Variants in TMEM63A observed in about 807,000 individuals in gnomAD.
The protein encoded by TMEM63A is transmembrane protein 63A, also known as mechanosensitive cation channel TMEM63A.
TMEM63A carries 76 observed loss-of-function variants against 100.6 expected under a neutral mutation model. The observed-to-expected ratio is 0.76, with a 90% CI of 0.63 to 0.91. The LOEUF is 0.91. TMEM63A is among the 40% of genes least tolerant of loss of function. The pLI is 0.00. For missense variants in TMEM63A, 876 were observed against 1,008.8 expected, an observed-to-expected ratio of 0.87 and a Z score of 1.78; for synonymous variants, 401 against 401.1, an observed-to-expected ratio of 1.00 and a Z score of 0.00.
rs77196673 is a variant in TMEM63A at position 225,855,273 on chromosome 1, G to A, written c.1634+605C>T. On this transcript the variant is annotated intron_variant, in intron 18 of 24. Coordinates refer to ENST00000366835, the MANE Select transcript of TMEM63A (RefSeq NM_014698.3). Reference sequence around the variant, plus strand: ...GATAAACTTGGGCAAGTTATTCAACGTCTCCAAACCTCAGTCTCCTCATCT... The same window carrying A: ...GATAAACTTGGGCAAGTTATTCAACATCTCCAAACCTCAGTCTCCTCATCT... Among the ~76,000 whole-genome samples the A allele has an allele frequency of 4.3e-3, 660 of 152,226 alleles. 7 individuals carry two copies. Among genetic ancestry groups the A allele is most frequent in the African/African-American group, 0.014 (598 of 41,514 alleles).
intron 14 of TMEM63A, chr1:225,859,925 G>A (rs971068509): frequency 1.3e-5 from 2 of 157,908 alleles, no homozygotes; most frequent in Admixed American, 1.2e-4. Context: ...GGGATTACAG[G>A]TGTGAGCACC....
At chr1:225,847,302 C>G in intron 23 of TMEM63A, 89 bp from the exon 24 acceptor site, 1 of 1,478,988 alleles carries the variant, frequency 6.8e-7, no homozygotes, top group Non-Finnish European at 9.2e-7. Flanking sequence ...CAACAGGACA[C>G]AGACAGTGGC....
At chr1:225,874,857 C>T (rs1252185196) in intron 3 of TMEM63A, among the ~76,000 whole-genome samples, 1 of 152,186 alleles carries the variant, frequency 6.6e-6, no homozygotes, top group Non-Finnish European at 1.5e-5. Context: ...GCCTCAGCCT[C>T]CAGAGTAGCT....
At chr1:225,874,954 G>A (rs113365384) in intron 3 of TMEM63A, among the ~76,000 whole-genome samples, 15 of 152,244 alleles carry the variant, frequency 9.9e-5, no homozygotes, top group East Asian at 1.9e-4. Context: ...GGCTGGTCTC[G>A]AACTCCTGAC....
rs899340159 is a variant in TMEM63A at position 225,850,227 on chromosome 1, C to T, written c.1904-148G>A. 8.2e-6 allele frequency: 7 copies of T among 853,690 alleles called. No individual in the cohort carries two copies. The Admixed American group carries it at 2.0e-4, about 24-fold the overall frequency. The allele number at this position is 853,690 out of a possible 1,614,324, so 52.9% of individuals were successfully genotyped here. The stretch of plus-strand genomic sequence containing the variant: ...GAACACAAAATGAGGCATCCTGCAC[C>T]TCTGGCTACTAGTTTTTTTTCACTT... On this transcript the variant is annotated intron_variant, in intron 20 of 24. Coordinates refer to ENST00000366835, the MANE Select transcript of TMEM63A (RefSeq NM_014698.3).
At chr1:225,854,449 T>TAG (rs140862449) in intron 18 of TMEM63A, among the ~76,000 whole-genome samples, 11,842 of 152,152 alleles carry the variant, frequency 0.078, 591 homozygotes, top group East Asian at 0.15. Flanking sequence ...GGATCTACTT[T>TAG]AGAGAGAGTT....
At chr1:225,854,257 C>T (rs1669501152) in intron 18 of TMEM63A, among the ~76,000 whole-genome samples, 1 of 152,180 alleles carries the variant, frequency 6.6e-6, no homozygotes, top group Admixed American at 6.5e-5. Context: ...TGCTGCACAT[C>T]CAGGGGCTGG....
rs113337235 is a variant in TMEM63A, at chr1:225,862,353, T to A, written c.952-2A>T. ...TGTGTAGTAAGAGATGGCGTCTTCC[T>A]GCCACAAGACACATCCCATTGGGAT... On this transcript the variant is annotated splice_acceptor_variant, in intron 12 of 24. Transcript: ENST00000366835. LOFTEE classifies it high-confidence loss of function. The surrounding 1 kb of genome is among the most constrained non-coding windows in gnomAD (Gnocchi z 5.1). The A allele has an allele frequency of 2.5e-6, 4 of 1,614,198 alleles. No homozygotes were observed. The highest frequency in any genetic ancestry group is 3.4e-6 in the Non-Finnish European group (4 of 1,180,034).
At chr1:225,844,994 G>T, downstream of TMEM63A, 1 of 855,980 alleles carries the variant, frequency 1.2e-6, no homozygotes, top group Admixed American at 2.1e-5. Context: ...AGTGAGGGGA[G>T]AGCGGTTGAG....
intron 23 of TMEM63A, chr1:225,847,450 C>T: frequency 2.1e-6 from 1 of 477,592 alleles, no homozygotes; most frequent in Non-Finnish European, 3.7e-6. Flanking sequence ...GAAGGAAGCA[C>T]AAGAGAGCAG....
At position 225,865,862 on chromosome 1, in the gene TMEM63A, G is replaced by A. The variant is rs752125498; in HGVS notation, c.746+35C>T. ...TGGGGCTGTGTTGGTCCTACGTGGA[G>A]GGGGCTCAGCTCCCCTCCCACCCCA... On this transcript the variant is annotated intron_variant, in intron 10 of 24. Transcript: ENST00000366835. The surrounding 1 kb of genome is among the most constrained non-coding windows in gnomAD (Gnocchi z 4.6). The A allele has an allele frequency of 1.9e-6, 3 of 1,609,956 alleles. No homozygotes were observed. The highest frequency in any genetic ancestry group is 2.7e-5 in the African/African-American group (2 of 74,816).
rs1381576554 is a variant in TMEM63A, at chr1:225,865,580, C to T, written c.746+317G>A. The stretch of plus-strand genomic sequence containing the variant: ...TCTGCAAAGGTGATGCTAAGAACCC[C>T]GGGGTCAACAATTTTTTCCCCCGTA... On this transcript the variant is annotated intron_variant, in intron 10 of 24. Coordinates refer to ENST00000366835, the MANE Select transcript of TMEM63A (RefSeq NM_014698.3). The surrounding 1 kb of genome is among the most constrained non-coding windows in gnomAD (Gnocchi z 4.6). 4 of 282,426 alleles carry T rather than the reference C, an allele frequency of 1.4e-5. No individual in the cohort carries two copies. Among genetic ancestry groups the T allele is most frequent in the Admixed American group, 4.1e-5 (1 of 24,278 alleles). The allele number at this position is 282,426 out of a possible 1,614,324, so 17.5% of individuals were successfully genotyped here.
chr1:225,848,699 G>A (rs1353035894), intron 22 of TMEM63A, 145 bp from the exon 23 acceptor site: 71 of 931,492 alleles, frequency 7.6e-5, no homozygotes, highest in South Asian at 5.6e-4. Context: ...GGATGGGGTG[G>A]GGGAGTGCAG....
rs3215221 is a variant in TMEM63A at position 225,861,044 on chromosome 1, CA to C, written c.1086-48del. The stretch of plus-strand genomic sequence containing the variant: ...GCCAGGCCCAGGCTACTCAGGTTAC[CA>C]AGCACACATGTGGCAAGTGGGGACT... On this transcript the variant is annotated intron_variant, in intron 13 of 24. Coordinates refer to ENST00000366835, the MANE Select transcript of TMEM63A (RefSeq NM_014698.3). 616,614 of 1,572,512 alleles carry C rather than the reference CA, an allele frequency of 0.39. 123,924 individuals carry two copies. The highest frequency in any genetic ancestry group is 0.47 in the Middle Eastern group (2,735 of 5,820).
intron 19 of TMEM63A, 115 bp from the exon 20 acceptor site, chr1:225,852,884 T>C (rs1480080290): frequency 3.4e-6 from 3 of 882,418 alleles, no homozygotes; most frequent in East Asian, 2.6e-5. Context: ...AAATAGGAGA[T>C]GCGTGGCTCC....
intron 20 of TMEM63A, 113 bp downstream of exon 20, chr1:225,852,551 G>A (rs963656896): frequency 1.1e-6 from 1 of 909,024 alleles, no homozygotes; most frequent in Non-Finnish European, 1.8e-6. Flanking sequence ...GGCTCTTGTG[G>A]CTGTGGTTTT....
chr1:225,855,792 GC>G, intron 18 of TMEM63A, 85 bp downstream of exon 18: 3 of 1,377,176 alleles, frequency 2.2e-6, no homozygotes, highest in South Asian at 1.2e-5. Flanking sequence ...GGCTACGACC[GC>G]CCCCACCCAT....
intron 1 of TMEM63A, among the ~76,000 whole-genome samples, chr1:225,880,716 T>C (rs1391275613): frequency 2.0e-5 from 3 of 152,172 alleles, no homozygotes; most frequent in Non-Finnish European, 4.4e-5. Flanking sequence ...CAACCCAAAG[T>C]TCAACCCATG....
rs779244380 is a variant in TMEM63A at position 225,867,399 on chromosome 1, T to C, written c.515-236A>G. The stretch of plus-strand genomic sequence containing the variant: ...CAGGTAAAGGCATAATGTGAATTCA[T>C]TTTGTTTTGAGAAAACTAAAAACAT... On this transcript the variant is annotated intron_variant, in intron 7 of 24. Coordinates refer to ENST00000366835, the MANE Select transcript of TMEM63A (RefSeq NM_014698.3). The surrounding 1 kb of genome is among the most constrained non-coding windows in gnomAD (Gnocchi z 4.6). 6.6e-6 allele frequency among the ~76,000 whole-genome samples: 1 copy of C among 152,310 alleles called. No homozygotes were observed. Among genetic ancestry groups the C allele is most frequent in the Middle Eastern group, 3.4e-3 (1 of 294 alleles).
Sources: gnomAD v4.1 joint callset for allele counts (sites outside exome capture counted in the v4.1 genomes callset) on GRCh38, gnomAD v4.1.1 for gene constraint, Gnocchi (gnomAD v3.1) non-coding constraint, MANE v1.5 for transcripts, NCBI Gene and HGNC (gene_info 2026-07-23, HGNC 2026-07-21) for gene names.